RGS6: variants seen among roughly 807,000 people sequenced by gnomAD.
RGS6 encodes the protein regulator of G protein signaling 6.
In RGS6, 30 loss-of-function variants were observed where a neutral mutation model predicts 78.5. The observed-to-expected ratio is 0.38, with a 90% CI of 0.29 to 0.52. The LOEUF is 0.52. RGS6 is among the 20% of genes least tolerant of loss of function. The pLI is 0.85. For missense variants in RGS6, 495 were observed against 609.7 expected (o/e 0.81, Z 1.98); for synonymous variants, 206 against 206.0 (o/e 1.00, Z 0.00).
intron 13 of RGS6, 54 bp from the exon 14 acceptor site, chr14:72,510,100 A>G: frequency 6.6e-7 from 1 of 1,525,442 alleles, no homozygotes; most frequent in South Asian, 1.3e-5. Flanking sequence ...AGAATATGAC[A>G]CGAGCTTTTC....
At chr14:71,881,759 T>G in the RGS6 span, among the ~76,000 whole-genome samples, 1 of 152,204 alleles carries the variant, frequency 6.6e-6, no homozygotes, top group Non-Finnish European at 1.5e-5. Flanking sequence ...CTGCTTAGTG[T>G]GGAGGCTGAC....
the RGS6 span, among the ~76,000 whole-genome samples, chr14:71,888,600 A>G: frequency 6.6e-6 from 1 of 151,950 alleles, no homozygotes; most frequent in Non-Finnish European, 1.5e-5. Context: ...TGGGTGTTTT[A>G]TCTAAGTCCA....
intron 2 of RGS6, among the ~76,000 whole-genome samples, chr14:72,242,147 G>A (rs1456755318): frequency 3.3e-5 from 5 of 152,140 alleles, no homozygotes; most frequent in Admixed American, 6.5e-5. Context: ...CCATGCATGG[G>A]AGAGCTGCTC....
chr14:72,123,049 C>T (rs1035991504), intron 2 of RGS6, among the ~76,000 whole-genome samples: 1 of 152,188 alleles, frequency 6.6e-6, no homozygotes, highest in African/African-American at 2.4e-5. Flanking sequence ...TCACTTCAAC[C>T]TCTGCCTCCT....
rs2091019469 is a variant in RGS6 at position 72,032,243 on chromosome 14, CTA to C, written c.84+67372_84+67373del. Among the ~76,000 whole-genome samples, 4 of 152,066 alleles carry C rather than the reference CTA, an allele frequency of 2.6e-5. No individual in the cohort carries two copies. In the South Asian group the frequency reaches 8.3e-4, roughly 32 times the overall value. On this transcript the variant is annotated intron_variant, in intron 2 of 17. Coordinates refer to ENST00000553525, the MANE Select transcript of RGS6 (RefSeq NM_001204424.2). ...GGTAAAACTACTATTAAGGCTTTTT[CTA>C]TATGTTTCCAAATTGCTTTCCAAAA...
intron 2 of RGS6, among the ~76,000 whole-genome samples, chr14:72,336,156 C>A (rs1263074254): frequency 6.6e-6 from 1 of 152,188 alleles, no homozygotes; most frequent in Non-Finnish European, 1.5e-5. Context: ...ACTTATCTCT[C>A]AAATTGTGTG....
intron 3 of RGS6, among the ~76,000 whole-genome samples, chr14:72,384,968 T>C (rs1041884756): frequency 6.6e-6 from 1 of 152,134 alleles, no homozygotes; most frequent in African/African-American, 2.4e-5. Flanking sequence ...GCCAGGCTGG[T>C]CTCGAACTCC....
the RGS6 span, among the ~76,000 whole-genome samples, chr14:71,910,201 A>AAAAAC: frequency 1.2e-4 from 18 of 150,448 alleles, no homozygotes; most frequent in South Asian, 8.5e-4. Flanking sequence ...AAACAAAAAC[A>AAAAAC]AAAACAAAAC....
intron 2 of RGS6, among the ~76,000 whole-genome samples, chr14:72,233,226 G>A (rs1054458939): frequency 1.3e-5 from 2 of 152,202 alleles, no homozygotes; most frequent in African/African-American, 4.8e-5. Context: ...AGAGAAGCGA[G>A]TTCCCTATCA....
At chr14:72,145,164 T>A (rs1170526906) in intron 2 of RGS6, among the ~76,000 whole-genome samples, 1 of 152,126 alleles carries the variant, frequency 6.6e-6, no homozygotes, top group Non-Finnish European at 1.5e-5. Flanking sequence ...TTTACAATAG[T>A]GATGTTATCC....
At chr14:72,594,325 A>G in the RGS6 span, 2 of 152,036 alleles carry the variant, frequency 1.3e-5, no homozygotes, top group African/African-American at 4.8e-5. Context: ...ACTCGAACTC[A>G]CCTGTGGGGA....
the RGS6 span, among the ~76,000 whole-genome samples, chr14:71,880,668 G>A: frequency 6.6e-6 from 1 of 152,246 alleles, no homozygotes; most frequent in Non-Finnish European, 1.5e-5. Flanking sequence ...TGAGGTTTGG[G>A]AACCTCTGTC....
chr14:72,404,567 T>C (rs923966908), intron 3 of RGS6, among the ~76,000 whole-genome samples: 22 of 152,178 alleles, frequency 1.4e-4, no homozygotes, highest in African/African-American at 4.8e-4. Flanking sequence ...GCTTCAAGAC[T>C]CTCTGTGTGG....
intron 2 of RGS6, among the ~76,000 whole-genome samples, chr14:72,044,739 G>A (rs930627772): frequency 6.6e-6 from 1 of 152,168 alleles, no homozygotes; most frequent in Non-Finnish European, 1.5e-5. Context: ...TGAGTGTGGT[G>A]GTGGGTGCCT....
At chr14:72,334,780 G>A (rs1386849364) in intron 2 of RGS6, among the ~76,000 whole-genome samples, 1 of 152,088 alleles carries the variant, frequency 6.6e-6, no homozygotes, top group East Asian at 1.9e-4. Flanking sequence ...ATATTAGAGG[G>A]ACTCCCCTCC....
chr14:72,465,849 A>C (rs369340675), intron 7 of RGS6, 27 bp downstream of exon 7: 3 of 1,576,112 alleles, frequency 1.9e-6, no homozygotes, highest in East Asian at 2.2e-5. Flanking sequence ...TCCAGGATAC[A>C]TATAAGAAGA....
chr14:71,893,154 T>A, the RGS6 span, among the ~76,000 whole-genome samples: 1 of 152,232 alleles, frequency 6.6e-6, no homozygotes, highest in Non-Finnish European at 1.5e-5. Flanking sequence ...TAGGTAGCAT[T>A]TGAAAGTTCT....
chr14:72,492,559 G>C (rs973617506), intron 12 of RGS6, among the ~76,000 whole-genome samples: 5 of 152,206 alleles, frequency 3.3e-5, no homozygotes, highest in African/African-American at 1.2e-4. Context: ...TACGTCGGGG[G>C]AGAAAAAGGG....
chr14:72,355,584 CAG>C (rs1469837489), intron 3 of RGS6, among the ~76,000 whole-genome samples: 1 of 151,986 alleles, frequency 6.6e-6, no homozygotes, highest in Non-Finnish European at 1.5e-5. Flanking sequence ...GTAAATGAAA[CAG>C]ATAAAAAGTT....
Sources: gnomAD v4.1 joint callset for allele counts (sites outside exome capture counted in the v4.1 genomes callset) on GRCh38, gnomAD v4.1.1 for gene constraint, MANE v1.5 for transcripts, NCBI Gene and HGNC (gene_info 2026-07-23, HGNC 2026-07-21) for gene names.